Variants in TBX18 observed in about 807,000 individuals in gnomAD.
The protein encoded by TBX18 is T-box transcription factor TBX18.
A neutral mutation model predicts 55.0 loss-of-function variants in TBX18; 21 were observed. The ratio of observed to expected loss-of-function variants is 0.38; its 90% confidence interval spans 0.27 to 0.55. The LOEUF is 0.55. Ranked by LOEUF, TBX18 falls within the 20% of genes least tolerant of loss-of-function variation. The pLI is 0.73. For missense variants in TBX18, 840 were observed against 799.6 expected (o/e 1.05, Z -0.61); for synonymous variants, 342 against 326.1 (o/e 1.05, Z -0.53).
chr6:84,746,579 T>C (rs1767197714), intron 5 of TBX18, among the ~76,000 whole-genome samples: 1 of 146,882 alleles, frequency 6.8e-6, no homozygotes, highest in Non-Finnish European at 1.5e-5. Context: ...ATTATAAATA[T>C]ATTTTATATA....
intron 6 of TBX18, among the ~76,000 whole-genome samples, chr6:84,743,039 C>T (rs1767087506): frequency 6.6e-6 from 1 of 152,128 alleles, no homozygotes; most frequent in African/African-American, 2.4e-5. Flanking sequence ...TTGAAACACA[C>T]ATTTAAAAAA....
Position 84,738,481 on chromosome 6 carries a change from A to G in TBX18, c.1099+16T>C. 4 of 1,606,586 alleles carry G rather than the reference A, an allele frequency of 2.5e-6. No homozygotes were observed. The highest frequency in any genetic ancestry group is 3.4e-6 in the Non-Finnish European group (4 of 1,173,124). ...GAACGGGCTGTATATATGACCCAGG[A>G]GACTTTGTGAGTTACCTTGCTTGGG... is the stretch of plus-strand genomic sequence containing the variant. On this transcript the variant is annotated intron_variant, in intron 7 of 7. Coordinates refer to ENST00000369663, the MANE Select transcript of TBX18 (RefSeq NM_001080508.3).
Position 84,737,197 on chromosome 6 carries a change from A to G in TBX18, c.1312T>C (p.Tyr438His). ...NRYSTSLAET[Y>H]NRLTNQAGET... ...CCAGCCTGGTTGGTGAGCCTGTTGT[A>G]GGTCTCTGCCAAAGATGTGCTGTAT... Residue 438 changes from tyrosine (Y) to histidine (H), a missense_variant, in exon 8 of 8, where the codon TAC becomes CAC. Coordinates refer to ENST00000369663, the MANE Select transcript of TBX18 (RefSeq NM_001080508.3). The G allele has an allele frequency of 6.2e-7, 1 of 1,612,994 alleles. No homozygotes were observed. The highest frequency in any genetic ancestry group is 8.5e-7 in the Non-Finnish European group (1 of 1,179,396).
intron 4 of TBX18, among the ~76,000 whole-genome samples, chr6:84,756,262 T>C (rs215938): frequency 0.4 from 60,384 of 152,116 alleles, 13,899 homozygotes; most frequent in South Asian, 0.71. Context: ...AACTTGCAGA[T>C]GGAACACACA....
chr6:84,748,827 G>A (rs545942518), intron 4 of TBX18, among the ~76,000 whole-genome samples: 11 of 152,046 alleles, frequency 7.2e-5, no homozygotes, highest in Non-Finnish European at 1.2e-4. Context: ...GTACAAAGAC[G>A]GGCATCAGAT....
In TBX18 at chr6:84,764,454, C is replaced by T; in HGVS notation, c.-273G>A. Reference sequence around the variant, plus strand: ...CACTCCTTTGCTCCCACCCCTTCCACCTCCTCCTGCTGCTCCGAGGTCTGC... The same window carrying T: ...CACTCCTTTGCTCCCACCCCTTCCATCTCCTCCTGCTGCTCCGAGGTCTGC... On this transcript the variant is annotated 5_prime_UTR_variant, in exon 1 of 8. The change creates a new upstream start codon in the 5' untranslated region. Transcript: ENST00000369663. The T allele has an allele frequency of 2.4e-6, 1 of 419,292 alleles. No homozygotes were observed. The highest frequency in any genetic ancestry group is 6.4e-5 in the South Asian group (1 of 15,578). The allele number at this position is 419,292 out of a possible 1,614,324, so 26.0% of individuals were successfully genotyped here. A position where few individuals can be genotyped will look rare whatever the true frequency, so the allele number is the denominator to read the frequency against.
At chr6:84,747,091 C>T (rs553284674) in intron 5 of TBX18, among the ~76,000 whole-genome samples, 2 of 150,848 alleles carry the variant, frequency 1.3e-5, no homozygotes, top group East Asian at 3.9e-4. Flanking sequence ...GAAACCACAA[C>T]AGAGAGATTT....
chr6:84,762,397 A>G, intron 2 of TBX18, 147 bp downstream of exon 2: 1 of 954,406 alleles, frequency 1.0e-6, no homozygotes, highest in East Asian at 2.4e-5. Flanking sequence ...TCCAAAGTGA[A>G]CCACGGTCTG....
chr6:84,744,671 C>G (rs1767135698), intron 5 of TBX18, among the ~76,000 whole-genome samples: 2 of 152,128 alleles, frequency 1.3e-5, no homozygotes, highest in Admixed American at 1.3e-4. Flanking sequence ...AAGTTCTTCC[C>G]TTTAACTCTG....
chr6:84,749,000 A>C (rs891730059), intron 4 of TBX18, among the ~76,000 whole-genome samples: 4 of 152,230 alleles, frequency 2.6e-5, no homozygotes, highest in African/African-American at 9.6e-5. Flanking sequence ...AATTGTTTAT[A>C]AGCTTGTTAA....
chr6:84,739,399 A>G (rs894066187), intron 6 of TBX18, among the ~76,000 whole-genome samples: 1 of 152,172 alleles, frequency 6.6e-6, no homozygotes, highest in African/African-American at 2.4e-5. Context: ...CTAAATACAT[A>G]TATCAACCAT....
chr6:84,744,402 G>C (rs1767127865), intron 5 of TBX18, 77 bp from the exon 6 acceptor site: 1 of 1,272,472 alleles, frequency 7.9e-7, no homozygotes, highest in Non-Finnish European at 1.1e-6. Flanking sequence ...AAACTACAAT[G>C]AGTCAAAAGT....
intron 7 of TBX18, 88 bp downstream of exon 7, chr6:84,738,409 G>T: frequency 5.1e-6 from 5 of 978,698 alleles, no homozygotes; most frequent in East Asian, 2.4e-5. Flanking sequence ...ATTATTGTAA[G>T]TATAAATAAT....
At chr6:84,761,589 A>C (rs1767648541) in intron 2 of TBX18, among the ~76,000 whole-genome samples, 2 of 152,234 alleles carry the variant, frequency 1.3e-5, no homozygotes, top group Admixed American at 6.5e-5. Context: ...TTTTTATGCT[A>C]TCCAGGTTTT....
intron 6 of TBX18, 98 bp downstream of exon 6, chr6:84,744,163 C>A: frequency 9.4e-7 from 1 of 1,063,910 alleles, no homozygotes; most frequent in Non-Finnish European, 1.4e-6. Context: ...ATTTCAATAT[C>A]GTATTAGTAA....
In TBX18 at chr6:84,738,517, A is replaced by C. The variant is rs763521265; in HGVS notation, c.1079T>G (p.Ile360Ser). Residue 360 changes from isoleucine to serine, a missense_variant, in exon 7 of 8, where the codon ATC (isoleucine) becomes AGC (serine). Ile to Ser is a moderately radical substitution (Grantham distance 142). Transcript: ENST00000369663. Reference protein sequence around the residue: ...PSLRTLTFEDIPGIPKQGNAS... With the variant: ...PSLRTLTFEDSPGIPKQGNAS... Reference sequence around the variant, plus strand: ...GTTACCTTGCTTGGGAATTCCAGGGATATCTTCAAAGGTCAGAGTCCGTAG... The same window carrying C: ...GTTACCTTGCTTGGGAATTCCAGGGCTATCTTCAAAGGTCAGAGTCCGTAG... 3 of 1,613,968 alleles carry C rather than the reference A, an allele frequency of 1.9e-6. No homozygotes were observed. The highest frequency in any genetic ancestry group is 4.5e-5 in the East Asian group (2 of 44,882).
chr6:84,739,339 T>C (rs1766981406), intron 6 of TBX18, among the ~76,000 whole-genome samples: 1 of 152,098 alleles, frequency 6.6e-6, no homozygotes, highest in Non-Finnish European at 1.5e-5. Flanking sequence ...GTAAGTTTCA[T>C]ATGGACTACT....
intron 4 of TBX18, among the ~76,000 whole-genome samples, chr6:84,756,269 C>T (rs528496486): frequency 1.3e-5 from 2 of 152,328 alleles, no homozygotes; most frequent in South Asian, 2.1e-4. Context: ...AGATGGAACA[C>T]ACAAACAGCA....
chr6:84,735,954 G>A lies in TBX18; in HGVS notation c.*731C>T, dbSNP rs975574692. 11 of 151,754 alleles carry A rather than the reference G, an allele frequency of 7.2e-5. No homozygotes were observed. The highest frequency in any genetic ancestry group is 2.6e-4 in the Admixed American group (4 of 15,250). The allele number at this position is 151,754 out of a possible 1,614,324, so 9.4% of individuals were successfully genotyped here. On this transcript the variant is annotated 3_prime_UTR_variant, in exon 8 of 8. Coordinates refer to ENST00000369663, the MANE Select transcript of TBX18 (RefSeq NM_001080508.3). ...TGATATATAAAATAAGCAAAAAATC[G>A]AAAATACTGGAAATTTGTTCTCTAC...
Sources: gnomAD v4.1 joint callset for allele counts (sites outside exome capture counted in the v4.1 genomes callset) on GRCh38, gnomAD v4.1.1 for gene constraint, MANE v1.5 for transcripts, NCBI Gene and HGNC (gene_info 2026-07-23, HGNC 2026-07-21) for gene names.